NKAIN3: variants seen among roughly 807,000 people sequenced by gnomAD.
The protein encoded by NKAIN3 is sodium/potassium-transporting ATPase subunit beta-1-interacting protein 3.
In NKAIN3, 25 loss-of-function variants were observed where a neutral mutation model predicts 30.2. That is an observed-to-expected ratio of 0.83 (90% CI 0.60 to 1.16). NKAIN3 has a LOEUF of 1.16. Ranked by LOEUF, NKAIN3 falls within the 50% of genes most tolerant of loss-of-function variation. The pLI is 0.00. For missense variants in NKAIN3, 225 were observed against 254.1 expected, an observed-to-expected ratio of 0.89 and a Z score of 0.78; for synonymous variants, 91 against 89.6, an observed-to-expected ratio of 1.02 and a Z score of -0.09.
chr8:62,510,385 A>G (rs1563432824), intron 1 of NKAIN3, among the ~76,000 whole-genome samples: 1 of 152,158 alleles, frequency 6.6e-6, no homozygotes, highest in Non-Finnish European at 1.5e-5. Context: ...CAGCTTTGTC[A>G]TCAAGGGCTA....
chr8:62,930,708 CTT>C (rs5891884), intron 5 of NKAIN3, among the ~76,000 whole-genome samples: 8 of 145,124 alleles, frequency 5.5e-5, no homozygotes, highest in Admixed American at 6.9e-5. Context: ...GAATTTCATC[CTT>C]TTTTTTTTTT....
At chr8:62,520,745 G>A (rs1585900646) in intron 1 of NKAIN3, among the ~76,000 whole-genome samples, 1 of 151,982 alleles carries the variant, frequency 6.6e-6, no homozygotes, top group African/African-American at 2.4e-5. Flanking sequence ...GGTGGCTAGT[G>A]GCTCCCATCT....
intron 1 of NKAIN3, among the ~76,000 whole-genome samples, chr8:62,575,920 A>G (rs1810095083): frequency 6.6e-6 from 1 of 152,152 alleles, no homozygotes; most frequent in Admixed American, 6.6e-5. Context: ...CATATGCAGA[A>G]GAATGAAACT....
At chr8:62,571,534 A>T (rs988998529) in intron 1 of NKAIN3, among the ~76,000 whole-genome samples, 4 of 152,024 alleles carry the variant, frequency 2.6e-5, no homozygotes, top group Non-Finnish European at 5.9e-5. Flanking sequence ...TCACAACTCC[A>T]CTAGGCAGTA....
chr8:62,779,404 C>A (rs983380707), intron 4 of NKAIN3, among the ~76,000 whole-genome samples: 1 of 152,136 alleles, frequency 6.6e-6, no homozygotes, highest in African/African-American at 2.4e-5. Context: ...ATGGATGATT[C>A]TCCTCTGACT....
Position 62,380,504 on chromosome 8 carries a change from A to G in NKAIN3, c.54+131377A>G, listed in dbSNP as rs374631142. Among the ~76,000 whole-genome samples the G allele has an allele frequency of 5.3e-5, 8 of 152,286 alleles. No individual in the cohort carries two copies. The East Asian group carries it at 1.4e-3, about 26-fold the overall frequency. ...TGCCCCACTTTCCAGCACTAGTCTT[A>G]AGCAATCAAGGCCCTAACCACCCCA... On this transcript the variant is annotated intron_variant, in intron 1 of 6. Transcript: ENST00000623646.
chr8:62,914,538 G>A (rs1426758215), intron 4 of NKAIN3, among the ~76,000 whole-genome samples: 5 of 152,014 alleles, frequency 3.3e-5, no homozygotes, highest in Non-Finnish European at 2.9e-5. Context: ...CTGCTTTTAG[G>A]ATATATATTT....
intron 1 of NKAIN3, among the ~76,000 whole-genome samples, chr8:62,386,166 A>G (rs1438858969): frequency 6.6e-6 from 1 of 152,196 alleles, no homozygotes; most frequent in African/African-American, 2.4e-5. Flanking sequence ...AACCCCCAGA[A>G]TTATGACTCC....
At chr8:62,460,495 A>G (rs1805968394) in intron 1 of NKAIN3, among the ~76,000 whole-genome samples, 2 of 152,166 alleles carry the variant, frequency 1.3e-5, no homozygotes, top group South Asian at 2.1e-4. Flanking sequence ...AAAGTCTTAT[A>G]GAAGTCAAGG....
chr8:62,308,577 T>C (rs562012991), intron 1 of NKAIN3, among the ~76,000 whole-genome samples: 1 of 150,470 alleles, frequency 6.6e-6, no homozygotes, highest in Non-Finnish European at 1.5e-5. Flanking sequence ...GGAAAAGATA[T>C]AAGGATGGCC....
chr8:62,960,906 A>G (rs1311574692), intron 6 of NKAIN3, among the ~76,000 whole-genome samples: 5 of 151,890 alleles, frequency 3.3e-5, no homozygotes, highest in African/African-American at 1.2e-4. Context: ...AAAGAGAAAG[A>G]AAGAGGGAGA....
At chr8:62,847,584 C>T (rs1361778441) in intron 4 of NKAIN3, among the ~76,000 whole-genome samples, 1 of 152,040 alleles carries the variant, frequency 6.6e-6, no homozygotes, top group Non-Finnish European at 1.5e-5. Flanking sequence ...GATATCAGCC[C>T]TTTGTCAGAT....
chr8:62,559,538 T>G (rs78172838), intron 1 of NKAIN3, among the ~76,000 whole-genome samples: 2,114 of 152,102 alleles, frequency 0.014, 43 homozygotes, highest in African/African-American at 0.044. Flanking sequence ...TTTTTTAGAT[T>G]GCCATTTTAA....
At position 62,288,373 on chromosome 8, in the gene NKAIN3, T is replaced by C. The variant is rs565570990; in HGVS notation, c.54+39246T>C. 2.6e-5 allele frequency among the ~76,000 whole-genome samples: 4 copies of C among 152,294 alleles called. No homozygotes were observed. In the South Asian group the frequency reaches 6.2e-4, roughly 24 times the overall value. On this transcript the variant is annotated intron_variant, in intron 1 of 6. Transcript: ENST00000623646. ...CATTATTTACATTAGGTATATCTCC[T>C]AATGCTATCCCTCCTCCCTCCACCT...
At chr8:62,586,241 A>G (rs568808756) in intron 2 of NKAIN3, among the ~76,000 whole-genome samples, 5 of 152,204 alleles carry the variant, frequency 3.3e-5, no homozygotes, top group Admixed American at 1.3e-4. Flanking sequence ...ACTGCTCAAC[A>G]TGAAATTGAG....
intron 4 of NKAIN3, among the ~76,000 whole-genome samples, chr8:62,780,326 GA>G (rs771627079): frequency 2.6e-5 from 4 of 151,992 alleles, no homozygotes; most frequent in Non-Finnish European, 5.9e-5. Context: ...AAAAGTCCAG[GA>G]ACAGACAGAT....
At chr8:62,897,073 C>T (rs570701404) in intron 4 of NKAIN3, among the ~76,000 whole-genome samples, 1 of 152,120 alleles carries the variant, frequency 6.6e-6, no homozygotes, top group South Asian at 2.1e-4. Context: ...GTGCAAAGGA[C>T]ATACTGGAGA....
chr8:62,416,162 G>A (rs913772891), intron 1 of NKAIN3, among the ~76,000 whole-genome samples: 1 of 152,102 alleles, frequency 6.6e-6, no homozygotes, highest in Admixed American at 6.6e-5. Context: ...AAATTTGGGG[G>A]CTCATAAAGA....
rs12542077 is a variant in NKAIN3, at chr8:62,854,824, A to C, written c.472-63629A>C. Among the ~76,000 whole-genome samples, 568 of 152,172 alleles carry C rather than the reference A, an allele frequency of 3.7e-3. 10 individuals are homozygous for C. The highest frequency in any genetic ancestry group is 0.035 in the Admixed American group (528 of 15,284). On this transcript the variant is annotated intron_variant, in intron 4 of 6. Coordinates refer to ENST00000623646, the MANE Select transcript of NKAIN3 (RefSeq NM_001304533.3). ...CTGTGCACTTCCATATGTTTTTGTA[A>C]TGGCTGGTAACGATTTTTCCTTTCC... is the stretch of plus-strand genomic sequence containing the variant.
Sources: allele counts gnomAD v4.1 joint callset (sites outside exome capture counted in the v4.1 genomes callset), GRCh38; gene constraint gnomAD v4.1.1; transcripts MANE v1.5; gene names NCBI Gene and HGNC (gene_info 2026-07-23, HGNC 2026-07-21).